The following IL1RAPL1 variants were observed in gnomAD, a reference collection of about 807,000 sequenced individuals.
IL1RAPL1 encodes interleukin-1 receptor accessory protein-like 1.
A neutral mutation model predicts 48.4 loss-of-function variants in IL1RAPL1; 3 were observed. The ratio of observed to expected loss-of-function variants is 0.06; its 90% CI spans 0.03 to 0.16. The LOEUF is 0.16. Ranked by LOEUF, IL1RAPL1 falls within the 10% of genes least tolerant of loss-of-function variation. The pLI, the probability that IL1RAPL1 is intolerant of heterozygous loss-of-function variation, is 1.00. For synonymous variants in IL1RAPL1, 185 were observed against 187.7 expected, an observed-to-expected ratio of 0.99 and a Z score of 0.12; for missense variants, 349 against 530.6, an observed-to-expected ratio of 0.66 and a Z score of 3.36.
At chrX:29,440,980 T>C (rs1275870887) in intron 5 of IL1RAPL1, among the ~76,000 whole-genome samples, 1 of 112,051 alleles carries the variant, frequency 8.9e-6, no homozygotes, top group African/African-American at 3.2e-5. Context: ...TAAAACATTC[T>C]TCTCTACTGA....
intron 2 of IL1RAPL1, among the ~76,000 whole-genome samples, chrX:29,063,406 C>A (rs1438253777): frequency 9.0e-6 from 1 of 111,368 alleles, no homozygotes; most frequent in Admixed American, 9.6e-5. Flanking sequence ...GTAGACTCTT[C>A]TCTCAACACT....
chrX:29,073,406 A>G (rs1927606361), intron 2 of IL1RAPL1, among the ~76,000 whole-genome samples: 1 of 111,579 alleles, frequency 9.0e-6, no homozygotes, highest in Non-Finnish European at 1.9e-5. Context: ...CTGTTGCCAG[A>G]CTATTCTTCA....
intron 5 of IL1RAPL1, among the ~76,000 whole-genome samples, chrX:29,472,166 G>C (rs1934928430): frequency 9.0e-6 from 1 of 111,703 alleles, no homozygotes; most frequent in Admixed American, 9.5e-5. Context: ...CCATTTTTCA[G>C]TGTATGTTGC....
chrX:29,817,703 G>A (rs1014832278), intron 6 of IL1RAPL1, among the ~76,000 whole-genome samples: 2 of 111,602 alleles, frequency 1.8e-5, no homozygotes, highest in East Asian at 2.8e-4. Flanking sequence ...CCCAGATTCC[G>A]ATTGATTAAA....
chrX:29,607,230 C>A (rs1283767595), intron 5 of IL1RAPL1, among the ~76,000 whole-genome samples: 1 of 111,375 alleles, frequency 9.0e-6, no homozygotes, highest in Non-Finnish European at 1.9e-5. Context: ...AGTCAACTTA[C>A]CAAATAAACC....
intron 2 of IL1RAPL1, among the ~76,000 whole-genome samples, chrX:29,061,070 G>A (rs1372179776): frequency 9.0e-6 from 1 of 111,040 alleles, no homozygotes; most frequent in Non-Finnish European, 1.9e-5. Context: ...TTTAATGTGG[G>A]TCTTCTTTTA....
chrX:28,939,355 A>G (rs1924105965), intron 2 of IL1RAPL1, among the ~76,000 whole-genome samples: 2 of 111,599 alleles, frequency 1.8e-5, no homozygotes, highest in South Asian at 7.4e-4. Flanking sequence ...TGCAGCCATA[A>G]AAAGAGTGAT....
At chrX:29,853,007 AGG>A (rs1448587297) in intron 6 of IL1RAPL1, among the ~76,000 whole-genome samples, 11 of 111,079 alleles carry the variant, frequency 9.9e-5, no homozygotes, top group Non-Finnish European at 1.9e-5. Flanking sequence ...TGGACCTTCT[AGG>A]GCACATGGGG....
chrX:29,198,323 G>T (rs758460253), intron 2 of IL1RAPL1, among the ~76,000 whole-genome samples: 1 of 108,976 alleles, frequency 9.2e-6, no homozygotes, highest in Non-Finnish European at 1.9e-5. Context: ...TTGAGATGGA[G>T]TCTTACTCTG....
intron 3 of IL1RAPL1, among the ~76,000 whole-genome samples, chrX:29,332,415 A>G (rs1028633560): frequency 1.7e-4 from 15 of 89,803 alleles, no homozygotes; most frequent in African/African-American, 6.0e-4. Flanking sequence ...GCCCAAAACT[A>G]TAACAACCCT....
intron 6 of IL1RAPL1, among the ~76,000 whole-genome samples, chrX:29,840,629 T>C (rs1931118458): frequency 8.9e-6 from 1 of 112,103 alleles, no homozygotes; most frequent in East Asian, 2.8e-4. Context: ...CTTATATATA[T>C]GGCCAGGGTC....
intron 2 of IL1RAPL1, among the ~76,000 whole-genome samples, chrX:28,890,358 G>C (rs1201207879): frequency 9.0e-6 from 1 of 111,262 alleles, no homozygotes; most frequent in Non-Finnish European, 1.9e-5. Context: ...GTATTAAAGT[G>C]TGTTTGAGTT....
At chrX:29,455,744 C>T (rs1934731643) in intron 5 of IL1RAPL1, among the ~76,000 whole-genome samples, 1 of 111,449 alleles carries the variant, frequency 9.0e-6, no homozygotes, top group Admixed American at 9.6e-5. Context: ...TGGCATTTGT[C>T]TTTTTAATTA....
intron 2 of IL1RAPL1, among the ~76,000 whole-genome samples, chrX:29,153,407 A>G (rs758009796): frequency 9.0e-6 from 1 of 111,606 alleles, no homozygotes; most frequent in African/African-American, 3.2e-5. Flanking sequence ...ACCACAATTG[A>G]TATGTCCCAC....
At chrX:29,864,454 A>G (rs1931652141) in intron 6 of IL1RAPL1, among the ~76,000 whole-genome samples, 1 of 111,854 alleles carries the variant, frequency 8.9e-6, no homozygotes, top group Non-Finnish European at 1.9e-5. Context: ...TGTTCTTAGA[A>G]TGGGTTGTTA....
At chrX:28,892,703 A>G (rs1922804993) in intron 2 of IL1RAPL1, among the ~76,000 whole-genome samples, 1 of 110,735 alleles carries the variant, frequency 9.0e-6, no homozygotes, top group South Asian at 3.8e-4. Flanking sequence ...GAGGTGGATT[A>G]GGGGCGGCGT....
intron 2 of IL1RAPL1, among the ~76,000 whole-genome samples, chrX:28,801,123 G>A (rs1936670281): frequency 1.8e-5 from 2 of 109,729 alleles, no homozygotes; most frequent in Non-Finnish European, 3.8e-5. Context: ...CTCGTAATCC[G>A]CCCCTGCTTG....
chrX:29,737,697 A>G (rs999730015), intron 6 of IL1RAPL1, among the ~76,000 whole-genome samples: 4 of 112,465 alleles, frequency 3.6e-5, no homozygotes, highest in African/African-American at 9.7e-5. Flanking sequence ...TCTCAGAAAC[A>G]TATTTCAACA....
intron 2 of IL1RAPL1, among the ~76,000 whole-genome samples, chrX:29,123,821 G>T (rs1023879836): frequency 8.9e-6 from 1 of 111,801 alleles, no homozygotes; most frequent in Non-Finnish European, 1.9e-5. Flanking sequence ...CACACACTAC[G>T]TTTCAAAGAC....
Sources: gnomAD v4.1 joint callset for allele counts (sites outside exome capture counted in the v4.1 genomes callset) on GRCh38, gnomAD v4.1.1 for gene constraint, MANE v1.5 for transcripts, NCBI Gene and HGNC (gene_info 2026-07-23, HGNC 2026-07-21) for gene names.